CDH13: variants seen among roughly 807,000 people sequenced by gnomAD.
CDH13 encodes the protein cadherin-13.
A neutral mutation model predicts 63.8 loss-of-function variants in CDH13; 24 were observed. The observed-to-expected ratio is 0.38, with a 90% CI of 0.27 to 0.53. CDH13 has a LOEUF of 0.53. CDH13 is among the 20% of genes least tolerant of loss of function. CDH13 has a pLI of 0.85. For missense variants in CDH13, 1,049 were observed against 903.1 expected (o/e 1.16, Z -2.07); for synonymous variants, 503 against 355.3 (o/e 1.42, Z -4.67).
At chr16:83,435,931 C>G (rs1475668601) in intron 6 of CDH13, among the ~76,000 whole-genome samples, 1 of 152,198 alleles carries the variant, frequency 6.6e-6, no homozygotes, top group Admixed American at 6.5e-5. Context: ...GAATGAATGT[C>G]TTACTTTTTT....
At chr16:83,703,247 G>A (rs769521483) in intron 10 of CDH13, among the ~76,000 whole-genome samples, 7 of 152,240 alleles carry the variant, frequency 4.6e-5, no homozygotes, top group South Asian at 4.1e-4. Context: ...TTCCATACCC[G>A]TAATTTCATT....
intron 7 of CDH13, among the ~76,000 whole-genome samples, chr16:83,536,370 TCTC>T (rs1343551049): frequency 6.6e-6 from 1 of 152,024 alleles, no homozygotes; most frequent in Non-Finnish European, 1.5e-5. Flanking sequence ...TCATGGAAGG[TCTC>T]CTTGTGGACG....
At chr16:82,942,018 G>A (rs958526386) in intron 2 of CDH13, among the ~76,000 whole-genome samples, 23 of 152,206 alleles carry the variant, frequency 1.5e-4, no homozygotes, top group African/African-American at 3.6e-4. Context: ...TAATGGTGTC[G>A]TTTGATAAAC....
chr16:83,449,907 C>T (rs1040968952), intron 6 of CDH13, among the ~76,000 whole-genome samples: 1 of 152,212 alleles, frequency 6.6e-6, no homozygotes, highest in Middle Eastern at 3.2e-3. Flanking sequence ...GTGACGGCTG[C>T]TGTTTCTGTT....
At chr16:83,727,008 C>T (rs909899952) in intron 10 of CDH13, among the ~76,000 whole-genome samples, 1 of 152,190 alleles carries the variant, frequency 6.6e-6, no homozygotes, top group Non-Finnish European at 1.5e-5. Context: ...TGTATAACAG[C>T]TGTATTGATT....
intron 1 of CDH13, among the ~76,000 whole-genome samples, chr16:82,815,127 C>T (rs932786504): frequency 3.9e-5 from 6 of 152,048 alleles, no homozygotes; most frequent in African/African-American, 1.4e-4. Flanking sequence ...TCATGACCCA[C>T]CTGAATGCAC....
chr16:82,811,291 C>G (rs935304761), intron 1 of CDH13, among the ~76,000 whole-genome samples: 1 of 152,084 alleles, frequency 6.6e-6, no homozygotes. Flanking sequence ...CAGATCAGGA[C>G]TTTTCTTCTC....
chr16:82,792,620 C>A (rs970533480), intron 1 of CDH13, among the ~76,000 whole-genome samples: 1 of 152,164 alleles, frequency 6.6e-6, no homozygotes, highest in Non-Finnish European at 1.5e-5. Context: ...ATCCCCAACT[C>A]TGAGGACAAA....
chr16:83,363,053 A>G (rs958837878), intron 6 of CDH13, among the ~76,000 whole-genome samples: 3 of 152,212 alleles, frequency 2.0e-5, no homozygotes, highest in Non-Finnish European at 4.4e-5. Flanking sequence ...TAAAAAGGGC[A>G]AACATCACCA....
At chr16:83,360,003 G>T (rs1046944588) in intron 6 of CDH13, among the ~76,000 whole-genome samples, 2 of 152,106 alleles carry the variant, frequency 1.3e-5, no homozygotes, top group African/African-American at 4.8e-5. Flanking sequence ...TGCCTTGCTG[G>T]GCATTTCATA....
intron 8 of CDH13, among the ~76,000 whole-genome samples, chr16:83,662,000 T>C (rs527502817): frequency 1.3e-5 from 2 of 152,192 alleles, no homozygotes; most frequent in South Asian, 4.2e-4. Context: ...CCTAGGAACA[T>C]CATTTTCCTT....
intron 7 of CDH13, among the ~76,000 whole-genome samples, chr16:83,535,181 C>T (rs112469112): frequency 2.9e-3 from 446 of 152,302 alleles, no homozygotes; most frequent in Non-Finnish European, 5.0e-3. Flanking sequence ...AGGCAGAGGG[C>T]ACAGCATGTG....
chr16:82,975,825 G>C (rs561906645), intron 2 of CDH13, among the ~76,000 whole-genome samples: 22 of 152,164 alleles, frequency 1.4e-4, no homozygotes, highest in South Asian at 6.2e-4. Context: ...CATTGCCCTT[G>C]TCTATACCCC....
At chr16:82,841,282 A>T (rs2038999014) in intron 1 of CDH13, among the ~76,000 whole-genome samples, 1 of 152,112 alleles carries the variant, frequency 6.6e-6, no homozygotes, top group Admixed American at 6.5e-5. Flanking sequence ...GCCAGCCATG[A>T]TTTTTTGCAG....
rs564918393 is a variant in CDH13, at chr16:82,837,884, C to T, written c.46-20478C>T. On this transcript the variant is annotated intron_variant, in intron 1 of 13. Coordinates refer to ENST00000567109, the MANE Select transcript of CDH13 (RefSeq NM_001257.5). The stretch of plus-strand genomic sequence containing the variant: ...CAGTTATGGGCATGGGAATACTCTC[C>T]AAACCCAAGTTCCCAGATGCCAGCC... 3.3e-5 allele frequency among the ~76,000 whole-genome samples: 5 copies of T among 152,354 alleles called. No individual in the cohort carries two copies. The South Asian group carries it at 1.0e-3, about 32-fold the overall frequency.
At chr16:83,389,453 G>C (rs951113461) in intron 6 of CDH13, among the ~76,000 whole-genome samples, 5 of 152,118 alleles carry the variant, frequency 3.3e-5, no homozygotes, top group African/African-American at 1.2e-4. Context: ...ACAGTGAATT[G>C]TTCTGTCTAA....
At chr16:82,725,558 C>T (rs1432476404) in intron 1 of CDH13, among the ~76,000 whole-genome samples, 1 of 152,192 alleles carries the variant, frequency 6.6e-6, no homozygotes, top group Non-Finnish European at 1.5e-5. Flanking sequence ...CTGCATAAAA[C>T]TATAAGCCTC....
chr16:83,112,259 C>T (rs910978029), intron 3 of CDH13, among the ~76,000 whole-genome samples: 5 of 152,232 alleles, frequency 3.3e-5, no homozygotes, highest in Admixed American at 3.3e-4. Context: ...AGCAAACCAG[C>T]AGTTAACAAG....
rs1379812382 is a variant in CDH13 at position 83,573,071 on chromosome 16, C to G, written c.961-29383C>G. Among the ~76,000 whole-genome samples the G allele has an allele frequency of 7.9e-5, 12 of 152,232 alleles. No individual in the cohort carries two copies. In the South Asian group the frequency reaches 2.3e-3, roughly 29 times the overall value. Reference sequence around the variant, plus strand: ...AATATAGTAAGAACATCATCTCACACCATGAAACATTAATATTGGTTTTAT... The same window carrying G: ...AATATAGTAAGAACATCATCTCACAGCATGAAACATTAATATTGGTTTTAT... On this transcript the variant is annotated intron_variant, in intron 7 of 13. Transcript: ENST00000567109.
Sources: gnomAD v4.1 joint callset for allele counts (sites outside exome capture counted in the v4.1 genomes callset) on GRCh38, gnomAD v4.1.1 for gene constraint, MANE v1.5 for transcripts, NCBI Gene and HGNC (gene_info 2026-07-23, HGNC 2026-07-21) for gene names.